Variants in KIF15 observed in about 807,000 individuals in gnomAD.
The protein encoded by KIF15 is kinesin-like protein KIF15.
A neutral mutation model predicts 190.6 loss-of-function variants in KIF15; 140 were observed. The ratio of observed to expected loss-of-function variants is 0.73; its 90% CI spans 0.64 to 0.84. The LOEUF is 0.84. Ranked by LOEUF, KIF15 falls within the 40% of genes least tolerant of loss-of-function variation. The probability of loss-of-function intolerance (pLI) is 0.00; values close to 1 mark genes in which losing one functional copy is unlikely to be tolerated. For missense variants in KIF15, 1,372 were observed against 1,584.4 expected (o/e 0.87, Z 2.28); for synonymous variants, 528 against 551.3 (o/e 0.96, Z 0.59).
intron 6 of KIF15, among the ~76,000 whole-genome samples, chr3:44,860,425 C>T (rs1699227996): frequency 6.6e-6 from 1 of 152,082 alleles, no homozygotes; most frequent in Non-Finnish European, 1.5e-5. Context: ...GGCTGGAGGG[C>T]AGTGGTGCAA....
At chr3:44,832,974 C>T (rs1472730793) in intron 26 of KIF15, among the ~76,000 whole-genome samples, 2 of 142,022 alleles carry the variant, frequency 1.4e-5, no homozygotes, top group African/African-American at 5.3e-5. Context: ...CATGCCACTG[C>T]ACTCTAGCCT....
intron 1 of KIF15, among the ~76,000 whole-genome samples, chr3:44,771,739 CTTG>C (rs1473482363): frequency 1.3e-5 from 2 of 152,160 alleles, no homozygotes; most frequent in Non-Finnish European, 2.9e-5. Flanking sequence ...TTAAGAGAAC[CTTG>C]TTGTGCTTTT....
chr3:44,834,276 A>G (rs1351552333), intron 26 of KIF15, among the ~76,000 whole-genome samples: 1 of 152,206 alleles, frequency 6.6e-6, no homozygotes, highest in Non-Finnish European at 1.5e-5. Flanking sequence ...TTTCAACAAT[A>G]TGAGTACTTA....
rs374754252 is a variant in KIF15 at position 44,761,833 on chromosome 3, G to A, written c.-33G>A. ...CAGTCGGGAGGTGGAGGCACCGGCT[G>A]CATTGTTTTCGGGATCGAGGGGTGA... On this transcript the variant is annotated 5_prime_UTR_variant, in exon 1 of 35. Transcript: ENST00000326047. The A allele has an allele frequency of 2.5e-6, 4 of 1,614,074 alleles. No homozygotes were observed. The highest frequency in any genetic ancestry group is 3.4e-6 in the Non-Finnish European group (4 of 1,180,022).
intron 26 of KIF15, among the ~76,000 whole-genome samples, chr3:44,832,905 T>C (rs919238648): frequency 2.7e-5 from 4 of 150,330 alleles, no homozygotes; most frequent in African/African-American, 7.4e-5. Context: ...ATCCCAGCTA[T>C]TCAGGAGGCC....
At chr3:44,762,083 G>A (rs1392885046) in intron 1 of KIF15, among the ~76,000 whole-genome samples, 199 bp downstream of exon 1, 1 of 152,202 alleles carries the variant, frequency 6.6e-6, no homozygotes, top group Non-Finnish European at 1.5e-5. Context: ...TTCCTTCAGT[G>A]TCCTGTGCGC....
Position 44,794,213 on chromosome 3 carries a change from A to G in KIF15, c.640-4A>G, listed in dbSNP as rs1057186156. 4 of 1,610,254 alleles carry G rather than the reference A, an allele frequency of 2.5e-6. No homozygotes were observed. The highest frequency in any genetic ancestry group is 3.4e-6 in the Non-Finnish European group (4 of 1,178,018). On this transcript the variant is annotated splice_region_variant and splice_polypyrimidine_tract_variant and intron_variant, in intron 7 of 34. Coordinates refer to ENST00000326047, the MANE Select transcript of KIF15 (RefSeq NM_020242.3). ...TTCTTTTAATATGTTTTCCTTTTGC[A>G]TAGGTGTTGTCTGGAGGATGGAGGA...
In KIF15 at chr3:44,852,982, T is replaced by C; in HGVS notation, c.*247T>C. On this transcript the variant is annotated 3_prime_UTR_variant, in exon 35 of 35. Coordinates refer to ENST00000326047, the MANE Select transcript of KIF15 (RefSeq NM_020242.3). ...CTTTGAATCAACTTAAGGGAAAACC[T>C]TTTGTCTTTGTAAAAATAAAAGCCT... The C allele has an allele frequency of 3.3e-6, 1 of 303,182 alleles. No individual in the cohort carries two copies. Among genetic ancestry groups the C allele is most frequent in the Non-Finnish European group, 6.0e-6 (1 of 167,724 alleles). 18.8% of individuals were successfully genotyped at this position (303,182 alleles called of 1,614,324 possible).
intron 17 of KIF15, 114 bp downstream of exon 17, chr3:44,811,157 A>G (rs1707766544): frequency 5.4e-6 from 4 of 744,452 alleles, no homozygotes; most frequent in Non-Finnish European, 6.3e-6. Context: ...TATTAAAATC[A>G]TATCTTTTTA....
chr3:44,799,119 G>T (rs1242227135), intron 10 of KIF15: 2 of 300,556 alleles, frequency 6.7e-6, no homozygotes, highest in Non-Finnish European at 1.2e-5. Context: ...AGTCTTTGGA[G>T]ATATAGAACT....
At chr3:44,826,548 C>T (rs1392753221) in intron 22 of KIF15, 88 bp downstream of exon 22, 3 of 863,350 alleles carry the variant, frequency 3.5e-6, no homozygotes, top group Admixed American at 3.1e-5. Flanking sequence ...TTGCCAATAC[C>T]CTGTAAAGAG....
chr3:44,813,047 T>C, intron 18 of KIF15, 28 bp from the exon 19 acceptor site: 1 of 1,369,084 alleles, frequency 7.3e-7, no homozygotes, highest in Non-Finnish European at 1.0e-6. Context: ...GTATTCCTTT[T>C]CCAGTAAATT....
rs1697637459 is a variant in KIF15, at chr3:44,826,256, T to C, written c.2700+67T>C. 3.8e-6 allele frequency: 6 copies of C among 1,558,944 alleles called. No homozygotes were observed. In the Admixed American group the frequency reaches 1.2e-4, roughly 31 times the overall value. On this transcript the variant is annotated intron_variant, in intron 21 of 34. Transcript: ENST00000326047. ...CCTTTTGAGTGTAGGACAAGGACTGTCCTTTCCTCCTTCTTTGCTATACTT... is the reference window on the plus strand; with the variant it reads ...CCTTTTGAGTGTAGGACAAGGACTGCCCTTTCCTCCTTCTTTGCTATACTT...
intron 1 of KIF15, among the ~76,000 whole-genome samples, chr3:44,773,136 T>TAA (rs58175574): frequency 2.7e-3 from 382 of 142,670 alleles, no homozygotes; most frequent in South Asian, 0.018. Context: ...TAAAACATCT[T>TAA]AAAAAAAAAA....
rs1707481005 is a variant in KIF15 at position 44,806,004 on chromosome 3, T to C, written c.1971+18T>C. ...CACTTAAGGTAGGTCATCTGAACAATACCTCCACCTTAAATCAGTGCAATG... is the reference window on the plus strand; with the variant it reads ...CACTTAAGGTAGGTCATCTGAACAACACCTCCACCTTAAATCAGTGCAATG... On this transcript the variant is annotated intron_variant, in intron 16 of 34. Transcript: ENST00000326047. The C allele has an allele frequency of 6.2e-7, 1 of 1,610,580 alleles. No individual in the cohort carries two copies. The highest frequency in any genetic ancestry group is 8.5e-7 in the Non-Finnish European group (1 of 1,178,524).
chr3:44,805,083 G>A lies in KIF15; in HGVS notation c.1744G>A (p.Glu582Lys), dbSNP rs200117192. The A allele has an allele frequency of 4.2e-5, 68 of 1,613,708 alleles. No individual in the cohort carries two copies. Among genetic ancestry groups the A allele is most frequent in the Non-Finnish European group, 5.3e-5 (63 of 1,179,938 alleles). ...QKEPCLFANT[E>K]KLKAQLLQIQ... is the part of the protein sequence containing the mutation. ...AGAGCCATGTTTGTTTGCAAACACT[G>A]AGAAGTTAAAAGCACAACTCCTGCA... Residue 582 changes from glutamate to lysine, a missense_variant, in exon 15 of 35, where the codon GAG becomes AAG. Transcript: ENST00000326047.
chr3:44,775,515 G>A, intron 3 of KIF15, 78 bp downstream of exon 3: 1 of 1,092,356 alleles, frequency 9.2e-7, no homozygotes, highest in Non-Finnish European at 1.3e-6. Context: ...GAGTGCAGTG[G>A]CATGATCTCG....
downstream of KIF15, among the ~76,000 whole-genome samples, chr3:44,855,034 G>T (rs2125735514): frequency 6.6e-6 from 1 of 152,330 alleles, no homozygotes; most frequent in Admixed American, 6.5e-5. Context: ...TGTCACATGT[G>T]TCTGTGTGAA....
rs776271828 is a variant in KIF15 at position 44,847,971 on chromosome 3, G to A, written c.3696-14G>A. 8.8e-6 allele frequency: 14 copies of A among 1,585,914 alleles called. No homozygotes were observed. The Admixed American group carries it at 2.0e-4, about 23-fold the overall frequency. On this transcript the variant is annotated splice_polypyrimidine_tract_variant and intron_variant, in intron 30 of 34. Coordinates refer to ENST00000326047, the MANE Select transcript of KIF15 (RefSeq NM_020242.3). ...TTTTCCTATGCCTCCTCCCACCCCT[G>A]TTAATCTATGCAGTGATCAGAATCA...
Sources: allele counts gnomAD v4.1 joint callset (sites outside exome capture counted in the v4.1 genomes callset), GRCh38; gene constraint gnomAD v4.1.1; transcripts MANE v1.5; gene names NCBI Gene and HGNC (gene_info 2026-07-23, HGNC 2026-07-21).